RAC1: variants seen among roughly 807,000 people sequenced by gnomAD.
The protein encoded by RAC1 is ras-related C3 botulinum toxin substrate 1.
A neutral mutation model predicts 25.2 loss-of-function variants in RAC1; 2 were observed. The ratio of observed to expected loss-of-function variants is 0.08; its 90% confidence interval spans 0.03 to 0.25. RAC1 has a LOEUF of 0.25. Ranked by LOEUF, RAC1 falls within the 10% of genes least tolerant of loss-of-function variation. The probability of loss-of-function intolerance (pLI) is 1.00; values close to 1 mark genes in which losing one functional copy is unlikely to be tolerated. For synonymous variants in RAC1, 88 were observed against 94.0 expected (o/e 0.94, Z 0.37); for missense variants, 50 against 235.7 (o/e 0.21, Z 5.16).
intron 3 of RAC1, among the ~76,000 whole-genome samples, chr7:6,396,240 G>A (rs2115207931): frequency 6.6e-6 from 1 of 152,290 alleles, no homozygotes; most frequent in Non-Finnish European, 1.5e-5. Context: ...AGACACCGGT[G>A]GTGCCCTCTC....
rs1333323103 is a variant in RAC1, at chr7:6,380,101, G to A, written c.35+5331G>A. Among the ~76,000 whole-genome samples, 13 of 152,298 alleles carry A rather than the reference G, an allele frequency of 8.5e-5. No individual in the cohort carries two copies. The East Asian group carries it at 1.9e-3, about 23-fold the overall frequency. On this transcript the variant is annotated intron_variant, in intron 1 of 5. Transcript: ENST00000348035. ...AGTTTCTTAGCTGAATGTGAAAAAT[G>A]CCTTCCGTGACATCATCCTTACAGG...
At chr7:6,379,462 G>A (rs1465208245) in intron 1 of RAC1, among the ~76,000 whole-genome samples, 2 of 152,038 alleles carry the variant, frequency 1.3e-5, no homozygotes, top group Non-Finnish European at 2.9e-5. Flanking sequence ...TAATAGAGAC[G>A]AGGTTTCTCC....
intron 3 of RAC1, chr7:6,399,870 C>G (rs769743348): frequency 7.6e-6 from 4 of 527,330 alleles, no homozygotes; most frequent in Admixed American, 6.8e-5. Context: ...TCTGATCCTC[C>G]TGATCCTTGA....
At chr7:6,384,135 C>G (rs1782856370) in intron 1 of RAC1, among the ~76,000 whole-genome samples, 1 of 152,024 alleles carries the variant, frequency 6.6e-6, no homozygotes, top group African/African-American at 2.4e-5. Context: ...GAGCCTTAGG[C>G]TCCACTTTCT....
intron 4 of RAC1, 161 bp from the exon 5 acceptor site, chr7:6,401,707 G>A: frequency 1.6e-6 from 1 of 640,748 alleles, no homozygotes; most frequent in Non-Finnish European, 2.7e-6. Flanking sequence ...GTTCCTTATG[G>A]CTCAAGGCTT....
rs1783103529 is a variant in RAC1, at chr7:6,391,904, A to G, written c.108-20A>G. On this transcript the variant is annotated intron_variant, in intron 2 of 5. Coordinates refer to ENST00000348035, the MANE Select transcript of RAC1 (RefSeq NM_006908.5). The stretch of plus-strand genomic sequence containing the variant: ...TTAGCTTCTACACCTGTGACTAACC[A>G]TTTTCATTCCATTCTACAGCTTTGA... The G allele has an allele frequency of 1.9e-6, 3 of 1,613,886 alleles. No individual in the cohort carries two copies. The highest frequency in any genetic ancestry group is 2.7e-5 in the African/African-American group (2 of 74,976).
chr7:6,398,354 C>T (rs1233031949), intron 3 of RAC1, among the ~76,000 whole-genome samples: 4 of 152,174 alleles, frequency 2.6e-5, no homozygotes, highest in African/African-American at 4.8e-5. Flanking sequence ...AGAACATCTC[C>T]GGCTGTGCCA....
chr7:6,383,995 A>G (rs892907863), intron 1 of RAC1, among the ~76,000 whole-genome samples: 3 of 151,466 alleles, frequency 2.0e-5, no homozygotes, highest in Non-Finnish European at 2.9e-5. Context: ...GGGTTTCTCC[A>G]TGTTGGTCAG....
At chr7:6,391,078 A>G (rs1783079044) in intron 2 of RAC1, among the ~76,000 whole-genome samples, 1 of 152,116 alleles carries the variant, frequency 6.6e-6, no homozygotes, top group Non-Finnish European at 1.5e-5. Context: ...TTGCATTTTT[A>G]GTAGACACAA....
At chr7:6,379,483 G>C (rs186499009) in intron 1 of RAC1, among the ~76,000 whole-genome samples, 1 of 152,056 alleles carries the variant, frequency 6.6e-6, no homozygotes, top group Non-Finnish European at 1.5e-5. Flanking sequence ...TTGTTAGCCA[G>C]GTTGGTCTCA....
intron 1 of RAC1, among the ~76,000 whole-genome samples, chr7:6,384,840 T>G (rs1466588537): frequency 1.3e-5 from 2 of 152,162 alleles, no homozygotes; most frequent in African/African-American, 4.8e-5. Flanking sequence ...TCTCACTTTG[T>G]CCCTCAGACT....
intron 1 of RAC1, among the ~76,000 whole-genome samples, chr7:6,377,756 A>G (rs1158581504): frequency 6.6e-6 from 1 of 152,020 alleles, no homozygotes; most frequent in Non-Finnish European, 1.5e-5. Context: ...CTCTACTAAA[A>G]ATAGAAAAAT....
At chr7:6,388,293 G>T (rs909831172) in intron 2 of RAC1, among the ~76,000 whole-genome samples, 2 of 151,540 alleles carry the variant, frequency 1.3e-5, no homozygotes, top group South Asian at 2.1e-4. Context: ...CACACACCCA[G>T]GTGCTCTCTG....
chr7:6,403,028 C>CT lies in RAC1; in HGVS notation c.*585dup, dbSNP rs1283829821. On this transcript the variant is annotated 3_prime_UTR_variant, in exon 6 of 6. Transcript: ENST00000348035. ...TAGCAGCTCAGCTCTTTGGATCAGT[C>CT]TTTGTGATTTCATAGCGAGTTTTCT... 1 of 196,366 alleles carries CT rather than the reference C, an allele frequency of 5.1e-6. No individual in the cohort carries two copies. The highest frequency in any genetic ancestry group is 2.3e-5 in the African/African-American group (1 of 43,322). The allele number at this position is 196,366 out of a possible 1,614,324, so 12.2% of individuals were successfully genotyped here. A position where few individuals can be genotyped will look rare whatever the true frequency, so the allele number is the denominator to read the frequency against.
intron 2 of RAC1, among the ~76,000 whole-genome samples, chr7:6,389,672 A>G (rs34096807): frequency 0.013 from 1,984 of 151,820 alleles, 27 homozygotes; most frequent in South Asian, 0.029. Context: ...AGAACAAGAC[A>G]TTGTCTCCAA....
chr7:6,381,370 C>T (rs1295130252), intron 1 of RAC1, among the ~76,000 whole-genome samples: 1 of 146,504 alleles, frequency 6.8e-6, no homozygotes, highest in Non-Finnish European at 1.5e-5. Flanking sequence ...TTTGAAGCTT[C>T]TAGTGGTAAT....
At chr7:6,387,551 C>G (rs911452975) in intron 2 of RAC1, among the ~76,000 whole-genome samples, 16 of 151,972 alleles carry the variant, frequency 1.1e-4, no homozygotes, top group African/African-American at 3.9e-4. Flanking sequence ...TGATGAAACC[C>G]CATCTCTACT....
At chr7:6,391,866 C>T in intron 2 of RAC1, 58 bp from the exon 3 acceptor site, 1 of 1,611,712 alleles carries the variant, frequency 6.2e-7, no homozygotes, top group Non-Finnish European at 8.5e-7. Context: ...TCTAGGATGG[C>T]TGGGACAGTG....
intron 3 of RAC1, among the ~76,000 whole-genome samples, chr7:6,395,131 A>C (rs116906269): frequency 2.0e-5 from 3 of 151,662 alleles, no homozygotes; most frequent in Non-Finnish European, 4.4e-5. Flanking sequence ...TGGGATTACA[A>C]ATTTTGTATT....
Sources: allele counts gnomAD v4.1 joint callset (sites outside exome capture counted in the v4.1 genomes callset), GRCh38; gene constraint gnomAD v4.1.1; transcripts MANE v1.5; gene names NCBI Gene and HGNC (gene_info 2026-07-23, HGNC 2026-07-21).